Variants in RAB8A observed in about 807,000 individuals in gnomAD.
The protein encoded by RAB8A is RAB8A, member RAS oncogene family, also known as ras-related protein Rab-8A.
Under a neutral mutation model 29.2 loss-of-function variants are expected in RAB8A, and 5 were observed. The observed-to-expected ratio is 0.17, with a 90% confidence interval of 0.09 to 0.36. The LOEUF (loss-of-function observed/expected upper bound fraction) is 0.36. RAB8A is among the 10% of genes least tolerant of loss of function. The pLI is 1.00. For missense variants in RAB8A, 171 were observed against 272.2 expected (o/e 0.63, Z 2.62); for synonymous variants, 108 against 99.9 (o/e 1.08, Z -0.49).
chr19:16,116,574 C>T (rs571542687), intron 1 of RAB8A, among the ~76,000 whole-genome samples: 141 of 152,270 alleles, frequency 9.3e-4, no homozygotes, highest in African/African-American at 3.2e-3. Flanking sequence ...CAGTGGCTCA[C>T]GCCTGTAATC....
intron 2 of RAB8A, 37 bp from the exon 3 acceptor site, chr19:16,121,713 C>G: frequency 1.3e-6 from 2 of 1,594,880 alleles, no homozygotes; most frequent in Non-Finnish European, 1.7e-6. Context: ...AGTTATTTTC[C>G]TTTAATGTTG....
chr19:16,116,936 G>A (rs1410859631), intron 1 of RAB8A, among the ~76,000 whole-genome samples: 1 of 148,762 alleles, frequency 6.7e-6, no homozygotes, highest in East Asian at 2.0e-4. Flanking sequence ...GTTTCCCCAT[G>A]TGCCCCCCCA....
At chr19:16,112,137 G>C in intron 1 of RAB8A, 112 bp downstream of exon 1, 1 of 1,442,522 alleles carries the variant, frequency 6.9e-7, no homozygotes, top group East Asian at 2.3e-5. Flanking sequence ...CGCTGAGAGG[G>C]TCGAGGGGGC....
intron 1 of RAB8A, chr19:16,112,687 A>T (rs2090829936): frequency 1.3e-5 from 2 of 153,072 alleles, no homozygotes; most frequent in South Asian, 4.0e-4. Context: ...GCTGATGACA[A>T]GCTCAGCTAA....
chr19:16,115,609 T>C (rs2090842928), intron 1 of RAB8A, among the ~76,000 whole-genome samples: 1 of 152,206 alleles, frequency 6.6e-6, no homozygotes, highest in South Asian at 2.1e-4. Flanking sequence ...CCTGTTGCGC[T>C]TTAATACTTT....
rs554484424 is a variant in RAB8A at position 16,129,798 on chromosome 19, C to T, written c.531+194C>T. 5.3e-3 allele frequency among the ~76,000 whole-genome samples: 804 copies of T among 152,266 alleles called. 11 individuals are homozygous for T. Among genetic ancestry groups the T allele is most frequent in the African/African-American group, 0.018 (745 of 41,552 alleles). On this transcript the variant is annotated intron_variant, in intron 7 of 7. Coordinates refer to ENST00000300935, the MANE Select transcript of RAB8A (RefSeq NM_005370.5). Reference sequence around the variant, plus strand: ...GCATCAGGCAGTGCCAGCCTGGGGACGCTGCCCAAGCAGACAAGGCCGTGC... The same window carrying T: ...GCATCAGGCAGTGCCAGCCTGGGGATGCTGCCCAAGCAGACAAGGCCGTGC...
chr19:16,128,035 G>T lies in RAB8A; in HGVS notation c.424G>T (p.Asp142Tyr). The change falls in exon 6 of 8, where the codon GAC (aspartate) becomes TAC (tyrosine). Residue 142 changes from aspartate (D) to tyrosine (Y), a missense_variant. Physicochemically the swap from Asp to Tyr is radical, Grantham distance 160. This residue lies in a region of RAB8A where 145 missense variants were observed against 212.8 expected (regional missense o/e 0.68). Coordinates refer to ENST00000300935, the MANE Select transcript of RAB8A (RefSeq NM_005370.5). ...SKERGEKLAL[D>Y]YGIKFMETSA... is the part of the protein sequence containing the mutation. ...CCTCCCTCTCTCACAGCTGGCCCTC[G>T]ACTATGGAATCAAGTTCATGGAGAC... is the stretch of plus-strand genomic sequence containing the variant. The T allele has an allele frequency of 6.2e-7, 1 of 1,614,138 alleles. No homozygotes were observed. Among genetic ancestry groups the T allele is most frequent in the Non-Finnish European group, 8.5e-7 (1 of 1,180,022 alleles).
chr19:16,120,922 C>CT (rs59556140), intron 2 of RAB8A, among the ~76,000 whole-genome samples: 65,894 of 142,310 alleles, frequency 0.46, 15,330 homozygotes, highest in Admixed American at 0.57. Flanking sequence ...GTTAGGTTAC[C>CT]TTTTTTTTTT....
chr19:16,130,006 G>C (rs1365376171), intron 7 of RAB8A, among the ~76,000 whole-genome samples: 1 of 152,176 alleles, frequency 6.6e-6, no homozygotes, highest in Non-Finnish European at 1.5e-5. Context: ...AAGCATGGCA[G>C]ATCAAGAACC....
rs2090935969 is a variant in RAB8A at position 16,133,083 on chromosome 19, A to G, written c.*779A>G. On this transcript the variant is annotated 3_prime_UTR_variant, in exon 8 of 8. Transcript: ENST00000300935. ...CACAGCCGTCACATGGTCCTCCTGA[A>G]GTTGGGGCACCCTCCTCTCAGCACC... 1 of 152,378 alleles carries G rather than the reference A, an allele frequency of 6.6e-6. No individual in the cohort carries two copies. The highest frequency in any genetic ancestry group is 6.6e-5 in the Admixed American group (1 of 15,266). The allele number at this position is 152,378 out of a possible 1,614,324, so 9.4% of individuals were successfully genotyped here.
In RAB8A at chr19:16,133,794, C is replaced by G. The variant is rs1398872366; in HGVS notation, c.*1490C>G. On this transcript the variant is annotated 3_prime_UTR_variant, in exon 8 of 8. Transcript: ENST00000300935. ...CAAAAGACTAAATTGGGAAAAGAAG[C>G]CTCCTGGCTTGGTGCAGTGGCTCAC... The G allele has an allele frequency of 3.3e-5, 5 of 152,404 alleles. No individual in the cohort carries two copies. The East Asian group carries it at 9.6e-4, about 29-fold the overall frequency. The allele number at this position is 152,404 out of a possible 1,614,324, so 9.4% of individuals were successfully genotyped here.
At chr19:16,113,269 G>A (rs1599393557) in intron 1 of RAB8A, among the ~76,000 whole-genome samples, 2 of 152,180 alleles carry the variant, frequency 1.3e-5, no homozygotes, top group Admixed American at 6.5e-5. Flanking sequence ...AGTTTATTCC[G>A]ACTCAAGAAA....
Position 16,132,326 on chromosome 19 carries a change from C to A in RAB8A, c.*22C>A, listed in dbSNP as rs544203351. 2.5e-6 allele frequency: 4 copies of A among 1,609,196 alleles called. No individual in the cohort carries two copies. Among genetic ancestry groups the A allele is most frequent in the African/African-American group, 1.3e-5 (1 of 74,796 alleles). On this transcript the variant is annotated 3_prime_UTR_variant, in exon 8 of 8. Coordinates refer to ENST00000300935, the MANE Select transcript of RAB8A (RefSeq NM_005370.5). The surrounding 1 kb of genome is among the most constrained non-coding windows in gnomAD (Gnocchi z 5.6). ...GTGAGGAACACCGCCTTACTCTGAG[C>A]CTCGCTCAGCCCAGCTGACTGTGCC...
At chr19:16,116,226 G>A (rs1433548349) in intron 1 of RAB8A, among the ~76,000 whole-genome samples, 2 of 152,128 alleles carry the variant, frequency 1.3e-5, no homozygotes, top group African/African-American at 2.4e-5. Context: ...GAGCATGCTT[G>A]GAATGTTGAG....
In RAB8A at chr19:16,132,389, C is replaced by G. The variant is rs1020907484; in HGVS notation, c.*85C>G. On this transcript the variant is annotated 3_prime_UTR_variant, in exon 8 of 8. Coordinates refer to ENST00000300935, the MANE Select transcript of RAB8A (RefSeq NM_005370.5). This position sits in a 1 kb window ranked among gnomAD's most constrained non-coding sequence, Gnocchi z 5.6. ...GCCCCTCACTCAGCCGGGGCCCTCCCACCTCCAACGCCCCGCCCACGCCGC... is the reference window on the plus strand; with the variant it reads ...GCCCCTCACTCAGCCGGGGCCCTCCGACCTCCAACGCCCCGCCCACGCCGC... 4 of 1,375,508 alleles carry G rather than the reference C, an allele frequency of 2.9e-6. No homozygotes were observed. Among genetic ancestry groups the G allele is most frequent in the Admixed American group, 3.9e-5 (2 of 51,526 alleles). 85.2% of individuals were successfully genotyped at this position (1,375,508 alleles called of 1,614,324 possible).
At chr19:16,114,502 A>G (rs992928000) in intron 1 of RAB8A, among the ~76,000 whole-genome samples, 7 of 147,438 alleles carry the variant, frequency 4.7e-5, no homozygotes, top group South Asian at 2.2e-4. Context: ...TCAGCCTCCC[A>G]AGTAGCTGGG....
intron 2 of RAB8A, among the ~76,000 whole-genome samples, chr19:16,118,525 T>G: frequency 6.6e-6 from 1 of 152,232 alleles, no homozygotes; most frequent in East Asian, 1.9e-4. Context: ...TGCCCAGCCC[T>G]GGCTAGCTCA....
Position 16,127,493 on chromosome 19 carries a change from CAA to C in RAB8A, c.382_383del (p.Lys128GlufsTer87). 3 of 1,541,528 alleles carry C rather than the reference CAA, an allele frequency of 1.9e-6. No homozygotes were observed. Among genetic ancestry groups the C allele is most frequent in the Non-Finnish European group, 2.6e-6 (3 of 1,148,252 alleles). On this transcript the variant is annotated frameshift_variant, in exon 5 of 8. Coordinates refer to ENST00000300935, the MANE Select transcript of RAB8A (RefSeq NM_005370.5). LOFTEE classifies it high-confidence loss of function. This position sits in a 1 kb window ranked among gnomAD's most constrained non-coding sequence, Gnocchi z 4.8. ...ILGNKCDVND[K>X]RQVSKERGEK... ...TCGGGAACAAGTGTGATGTGAATGA[CAA>C]GAGACAAGTTTCCAAGGAACGGGGA...
chr19:16,126,213 A>C, intron 4 of RAB8A: 1 of 164,840 alleles, frequency 6.1e-6, no homozygotes, highest in Non-Finnish European at 1.4e-5. Context: ...TCCACCCAGG[A>C]CTCATGGACC....
Sources: allele counts gnomAD v4.1 joint callset (sites outside exome capture counted in the v4.1 genomes callset), GRCh38; gene constraint gnomAD v4.1.1; regional missense constraint gnomAD v4.1.1; non-coding constraint Gnocchi (gnomAD v3.1); transcripts MANE v1.5; gene names NCBI Gene and HGNC (gene_info 2026-07-23, HGNC 2026-07-21).